The following PDE4A variants were observed in gnomAD, a reference collection of about 807,000 sequenced individuals.
PDE4A encodes the protein 3',5'-cyclic-AMP phosphodiesterase 4A.
In PDE4A, 21 loss-of-function variants were observed where a neutral mutation model predicts 73.9. That is an observed-to-expected ratio of 0.28 (90% CI 0.20 to 0.41). The LOEUF (loss-of-function observed/expected upper bound fraction) is 0.41, where lower values mean the gene tolerates loss of function less well. Among genes scored for constraint, PDE4A ranks in the 10% least tolerant of loss-of-function variants. PDE4A has a pLI of 1.00. For synonymous variants in PDE4A, 463 were observed against 505.4 expected, an observed-to-expected ratio of 0.92 and a Z score of 1.13; for missense variants, 958 against 1,211.4, an observed-to-expected ratio of 0.79 and a Z score of 3.10.
chr19:10,417,617 T>C, upstream of PDE4A: 1 of 1,541,012 alleles, frequency 6.5e-7, no homozygotes, highest in Non-Finnish European at 8.7e-7. Flanking sequence ...GCTCAGAGCT[T>C]CCCAGCCAGG....
intron 1 of PDE4A, among the ~76,000 whole-genome samples, chr19:10,444,546 A>G (rs2042979455): frequency 6.6e-6 from 1 of 151,914 alleles, no homozygotes; most frequent in Non-Finnish European, 1.5e-5. Context: ...TGGGTTGGTC[A>G]GGGGAGGCTT....
At chr19:10,429,138 A>T (rs2145462904) in intron 1 of PDE4A, among the ~76,000 whole-genome samples, 1 of 151,152 alleles carries the variant, frequency 6.6e-6, no homozygotes, top group South Asian at 2.1e-4. Context: ...GGGGAAAGGG[A>T]GGAAGGAGAA....
chr19:10,417,830 A>G (rs1409648885), upstream of PDE4A: 3 of 1,554,340 alleles, frequency 1.9e-6, no homozygotes, highest in Non-Finnish European at 2.6e-6. Flanking sequence ...TGCTGATCCC[A>G]CCGCGGATTT....
chr19:10,456,834 A>G (rs2043177598), intron 7 of PDE4A, among the ~76,000 whole-genome samples: 1 of 152,202 alleles, frequency 6.6e-6, no homozygotes, highest in African/African-American at 2.4e-5. Flanking sequence ...ACTCAGGATA[A>G]TTTAATCCTC....
chr19:10,441,683 TA>T (rs1261398974), intron 1 of PDE4A, among the ~76,000 whole-genome samples: 32 of 142,464 alleles, frequency 2.2e-4, no homozygotes, highest in East Asian at 5.9e-4. Context: ...CATTTTGAGT[TA>T]TTTTTTTTTT....
chr19:10,454,256 A>C (rs914229362), intron 6 of PDE4A, among the ~76,000 whole-genome samples: 1 of 152,100 alleles, frequency 6.6e-6, no homozygotes, highest in Admixed American at 6.6e-5. Flanking sequence ...ACCCCGGCCA[A>C]ACCTTTTTGT....
chr19:10,462,026 A>G, intron 13 of PDE4A, 27 bp downstream of exon 13: 2 of 1,593,580 alleles, frequency 1.3e-6, no homozygotes, highest in South Asian at 2.2e-5. Context: ...TCATCTAAGG[A>G]GGGAGGACAC....
chr19:10,422,980 G>A (rs965571907), intron 1 of PDE4A: 2 of 378,726 alleles, frequency 5.3e-6, no homozygotes, highest in African/African-American at 2.2e-5. Context: ...GGGGACAGTG[G>A]CTGAGTGGTA....
intron 1 of PDE4A, among the ~76,000 whole-genome samples, chr19:10,436,967 A>C (rs2042873452): frequency 6.6e-6 from 1 of 152,092 alleles, no homozygotes; most frequent in Non-Finnish European, 1.5e-5. Flanking sequence ...TGAGCCCGGC[A>C]GCAGAGGTTG....
At chr19:10,450,684 C>A in intron 5 of PDE4A, 32 bp downstream of exon 5, 1 of 1,594,330 alleles carries the variant, frequency 6.3e-7, no homozygotes. Flanking sequence ...GGAAGGGGCC[C>A]CCCTTGCTGC....
At chr19:10,425,091 G>A (rs2042700461) in intron 1 of PDE4A, among the ~76,000 whole-genome samples, 1 of 152,034 alleles carries the variant, frequency 6.6e-6, no homozygotes. Context: ...GGGTATGGTG[G>A]CACACGTCTG....
rs113138044 is a variant in PDE4A, at chr19:10,469,619, G to A, written c.*1998G>A. 3.3e-5 allele frequency: 5 copies of A among 152,476 alleles called. No homozygotes were observed. The highest frequency in any genetic ancestry group is 9.6e-5 in the African/African-American group (4 of 41,574). 9.4% of individuals were successfully genotyped at this position (152,476 alleles called of 1,614,324 possible). A position where few individuals can be genotyped will look rare whatever the true frequency, so the allele number is the denominator to read the frequency against. ...TCGATCTTGTCTCCAATTAAACCGAGGCTTTCACCGATTTTCCTGGCTGAT... is the reference window on the plus strand; with the variant it reads ...TCGATCTTGTCTCCAATTAAACCGAAGCTTTCACCGATTTTCCTGGCTGAT... On this transcript the variant is annotated 3_prime_UTR_variant, in exon 15 of 15. Transcript: ENST00000380702.
chr19:10,432,819 T>C (rs2042813788), intron 1 of PDE4A, among the ~76,000 whole-genome samples: 1 of 152,162 alleles, frequency 6.6e-6, no homozygotes, highest in South Asian at 2.1e-4. Flanking sequence ...GTCACCCTCT[T>C]TGTGTCCTTA....
chr19:10,420,760 G>T lies in PDE4A; in HGVS notation c.-5G>T. 6.4e-7 allele frequency: 1 copy of T among 1,555,944 alleles called. No individual in the cohort carries two copies. The highest frequency in any genetic ancestry group is 8.6e-7 in the Non-Finnish European group (1 of 1,162,788). ...CCCCCTGGGGCGCAAGTGGGGGCCG[G>T]CGCCATGGAACCCCCGACCGTCCCC... On this transcript the variant is annotated 5_prime_UTR_variant, in exon 1 of 15. Transcript: ENST00000380702. This position sits in a 1 kb window ranked among gnomAD's most constrained non-coding sequence, Gnocchi z 6.0.
intron 8 of PDE4A, 117 bp from the exon 9 acceptor site, chr19:10,459,283 C>T (rs1243819049): frequency 1.2e-5 from 19 of 1,542,366 alleles, no homozygotes; most frequent in Non-Finnish European, 1.6e-5. Flanking sequence ...GAACCTGTCA[C>T]CCACTGGGTG....
At chr19:10,454,616 C>A (rs778653589) in intron 6 of PDE4A, 94 of 288,002 alleles carry the variant, frequency 3.3e-4, no homozygotes, top group Non-Finnish European at 4.1e-4. Flanking sequence ...GTTATGCTGA[C>A]CATGACTCCC....
At chr19:10,422,758 C>A (rs2042667586) in intron 1 of PDE4A, among the ~76,000 whole-genome samples, 1 of 152,142 alleles carries the variant, frequency 6.6e-6, no homozygotes, top group Non-Finnish European at 1.5e-5. Flanking sequence ...CATACATGGG[C>A]TGACATTTCC....
At position 10,428,735 on chromosome 19, in the gene PDE4A, A is replaced by C. The variant is rs977537325; in HGVS notation, c.320+7651A>C. Reference sequence around the variant, plus strand: ...CTAGCCCGAGATCAAATGGCTAAGAAGTGCCAGAGGCCACACGCAAGCCCA... The same window carrying C: ...CTAGCCCGAGATCAAATGGCTAAGACGTGCCAGAGGCCACACGCAAGCCCA... On this transcript the variant is annotated intron_variant, in intron 1 of 14. Coordinates refer to ENST00000380702, the MANE Select transcript of PDE4A (RefSeq NM_001111307.2). 5 of 976,436 alleles carry C rather than the reference A, an allele frequency of 5.1e-6. No individual in the cohort carries two copies. In the African/African-American group the frequency reaches 8.8e-5, roughly 17 times the overall value. The allele number at this position is 976,436 out of a possible 1,614,324, so 60.5% of individuals were successfully genotyped here.
chr19:10,417,954 C>T (rs1341792962), upstream of PDE4A: 9 of 1,409,642 alleles, frequency 6.4e-6, no homozygotes, highest in Admixed American at 6.3e-5. Context: ...TTCCCGATCT[C>T]CATGCTCCCT....
Sources: allele counts gnomAD v4.1 joint callset (sites outside exome capture counted in the v4.1 genomes callset), GRCh38; gene constraint gnomAD v4.1.1; non-coding constraint Gnocchi (gnomAD v3.1); transcripts MANE v1.5; gene names NCBI Gene and HGNC (gene_info 2026-07-23, HGNC 2026-07-21).